Variants in ANTXR2 observed in about 807,000 individuals in gnomAD.
The protein encoded by ANTXR2 is anthrax toxin receptor 2.
ANTXR2 carries 44 observed loss-of-function variants against 73.7 expected under a neutral mutation model. The ratio of observed to expected loss-of-function variants is 0.60; its 90% CI spans 0.47 to 0.77. The LOEUF is 0.77. Ranked by LOEUF, ANTXR2 falls within the 30% of genes least tolerant of loss-of-function variation. The pLI is 0.00. For missense variants in ANTXR2, 604 were observed against 592.5 expected, an observed-to-expected ratio of 1.02 and a Z score of -0.20; for synonymous variants, 217 against 205.9, an observed-to-expected ratio of 1.05 and a Z score of -0.46.
chr4:80,062,715 A>C (rs1167608270), intron 3 of ANTXR2, among the ~76,000 whole-genome samples: 1 of 152,216 alleles, frequency 6.6e-6, no homozygotes, highest in Non-Finnish European at 1.5e-5. Context: ...TTGAGTTGTG[A>C]CTAATTCTGA....
chr4:79,988,286 G>C (rs1730290595), intron 12 of ANTXR2, among the ~76,000 whole-genome samples: 1 of 119,612 alleles, frequency 8.4e-6, no homozygotes, highest in Non-Finnish European at 1.7e-5. Context: ...TATGTAGGCT[G>C]AAAGTAAAGG....
At chr4:80,022,942 A>C (rs1732237752) in intron 10 of ANTXR2, among the ~76,000 whole-genome samples, 2 of 152,196 alleles carry the variant, frequency 1.3e-5, no homozygotes, top group Non-Finnish European at 2.9e-5. Flanking sequence ...GCTTGGTAAA[A>C]TAATATACAT....
chr4:79,930,506 A>G (rs929558460), intron 16 of ANTXR2, among the ~76,000 whole-genome samples: 1 of 152,216 alleles, frequency 6.6e-6, no homozygotes, highest in Non-Finnish European at 1.5e-5. Context: ...CATGCTGAAG[A>G]TAAAGTTTTA....
chr4:79,952,881 A>C (rs1232185028), intron 16 of ANTXR2, among the ~76,000 whole-genome samples: 3 of 151,986 alleles, frequency 2.0e-5, no homozygotes, highest in Non-Finnish European at 2.9e-5. Context: ...CCCTAGGAAT[A>C]AAGGAAACCT....
At chr4:80,006,234 G>C (rs1731295666) in intron 12 of ANTXR2, among the ~76,000 whole-genome samples, 1 of 151,758 alleles carries the variant, frequency 6.6e-6, no homozygotes, top group Admixed American at 6.6e-5. Context: ...ACATTTCTAT[G>C]TTTCCATATT....
intron 7 of ANTXR2, among the ~76,000 whole-genome samples, chr4:80,038,073 T>C (rs1326534001): frequency 1.3e-5 from 2 of 152,144 alleles, no homozygotes; most frequent in Non-Finnish European, 1.5e-5. Context: ...AGGAAAATTA[T>C]GAGGCACTTA....
chr4:79,946,612 C>T (rs1050256983), intron 16 of ANTXR2, among the ~76,000 whole-genome samples: 1 of 152,106 alleles, frequency 6.6e-6, no homozygotes, highest in Admixed American at 6.6e-5. Context: ...CAGTAGCCAA[C>T]TCTTCTGGCA....
At chr4:80,062,629 A>C (rs1734315899) in intron 3 of ANTXR2, among the ~76,000 whole-genome samples, 1 of 152,160 alleles carries the variant, frequency 6.6e-6, no homozygotes, top group East Asian at 1.9e-4. Context: ...TTTTTAGCTA[A>C]CCCAACTATT....
intron 16 of ANTXR2, among the ~76,000 whole-genome samples, chr4:79,974,597 T>C (rs1202800497): frequency 6.6e-6 from 1 of 151,842 alleles, no homozygotes; most frequent in Non-Finnish European, 1.5e-5. Context: ...TATATTAATA[T>C]ATAATAGAAA....
chr4:79,997,262 T>TAA (rs978785153), intron 12 of ANTXR2, among the ~76,000 whole-genome samples: 21 of 147,820 alleles, frequency 1.4e-4, no homozygotes, highest in African/African-American at 4.5e-4. Flanking sequence ...TGCCTTGGAT[T>TAA]AAAAAAAAAA....
rs772511957 is a variant in ANTXR2 at position 79,907,039 on chromosome 4, C to G, written c.*390G>C. On this transcript the variant is annotated 3_prime_UTR_variant, in exon 17 of 17. Transcript: ENST00000403729. ...GTGCCATGTTTCCATGTAAAAAACT[C>G]CTGTCTCCCATCATGGCTAGTTGTT... 3.1e-5 allele frequency: 7 copies of G among 228,146 alleles called. No homozygotes were observed. Among genetic ancestry groups the G allele is most frequent in the Non-Finnish European group, 5.1e-5 (6 of 118,356 alleles). The allele number at this position is 228,146 out of a possible 1,614,324, so 14.1% of individuals were successfully genotyped here.
intron 12 of ANTXR2, among the ~76,000 whole-genome samples, chr4:80,004,601 C>T (rs1731216767): frequency 6.6e-6 from 1 of 152,050 alleles, no homozygotes; most frequent in Admixed American, 6.6e-5. Flanking sequence ...GGTTACACTG[C>T]CTTCTTTCCA....
intron 12 of ANTXR2, among the ~76,000 whole-genome samples, chr4:79,986,889 G>T (rs4690132): frequency 6.6e-6 from 1 of 152,016 alleles, no homozygotes; most frequent in Non-Finnish European, 1.5e-5. Flanking sequence ...CTAAGCTGAG[G>T]CTTGGCCTCC....
At chr4:80,002,475 A>T (rs915958913) in intron 12 of ANTXR2, among the ~76,000 whole-genome samples, 25 of 152,276 alleles carry the variant, frequency 1.6e-4, no homozygotes, top group African/African-American at 5.8e-4. Context: ...AAACCTAGGC[A>T]TTACCATTCA....
chr4:79,958,218 G>A (rs1473246977), intron 16 of ANTXR2, among the ~76,000 whole-genome samples: 1 of 151,820 alleles, frequency 6.6e-6, no homozygotes, highest in Non-Finnish European at 1.5e-5. Flanking sequence ...CTATACCTAG[G>A]GATTTTATTT....
intron 16 of ANTXR2, among the ~76,000 whole-genome samples, chr4:79,932,792 C>CAAAAAAAA (rs57359650): frequency 7.3e-4 from 38 of 52,360 alleles, no homozygotes; most frequent in Non-Finnish European, 9.0e-4. Flanking sequence ...AACTCCATCT[C>CAAAAAAAA]AAAAAAAAAA....
Position 80,010,893 on chromosome 4 carries a change from A to G in ANTXR2, c.946-2277T>C. Among the ~76,000 whole-genome samples the G allele has an allele frequency of 1.3e-5, 2 of 152,142 alleles. 1 individual carries two copies. The highest frequency in any genetic ancestry group is 2.9e-5 in the Non-Finnish European group (2 of 68,018). Reference sequence around the variant, plus strand: ...CCGGGCACAGTGGCTCACACCTGTAATCGCAGCACTTTGGGAGGTTGAGGT... The same window carrying G: ...CCGGGCACAGTGGCTCACACCTGTAGTCGCAGCACTTTGGGAGGTTGAGGT... On this transcript the variant is annotated intron_variant, in intron 11 of 16. Transcript: ENST00000403729.
At chr4:80,069,737 A>G (rs1038037238) in intron 2 of ANTXR2, among the ~76,000 whole-genome samples, 4 of 152,192 alleles carry the variant, frequency 2.6e-5, no homozygotes, top group Admixed American at 2.6e-4. Flanking sequence ...ATGACCCATA[A>G]GGACTTGCAT....
At position 80,056,471 on chromosome 4, in the gene ANTXR2, A is replaced by AAT. The variant is rs1560426943; in HGVS notation, c.297-459_297-458insAT. On this transcript the variant is annotated intron_variant, in intron 3 of 16. Transcript: ENST00000403729. ...TGCTAAAGCACATTATTTAGCCCTT[A>AAT]TTTACAGAAATTAACATTTTTTCTT... 1.8e-3 allele frequency among the ~76,000 whole-genome samples: 271 copies of AAT among 152,020 alleles called. 1 individual carries two copies. Among genetic ancestry groups the AAT allele is most frequent in the African/African-American group, 6.1e-3 (255 of 41,532 alleles).
Sources: allele counts gnomAD v4.1 joint callset (sites outside exome capture counted in the v4.1 genomes callset), GRCh38; gene constraint gnomAD v4.1.1; transcripts MANE v1.5; gene names NCBI Gene and HGNC (gene_info 2026-07-23, HGNC 2026-07-21).